TIAM2: variants seen among roughly 807,000 people sequenced by gnomAD.
TIAM2 encodes the protein rho guanine nucleotide exchange factor TIAM2.
Under a neutral mutation model 152.9 loss-of-function variants are expected in TIAM2, and 80 were observed. The observed-to-expected ratio is 0.52, with a 90% CI of 0.44 to 0.63. TIAM2 has a LOEUF of 0.63. Among genes scored for constraint, TIAM2 ranks in the 30% least tolerant of loss-of-function variants. The pLI is 0.00. For synonymous variants in TIAM2, 804 were observed against 838.0 expected, an observed-to-expected ratio of 0.96 and a Z score of 0.70; for missense variants, 1,965 against 2,120.1, an observed-to-expected ratio of 0.93 and a Z score of 1.44.
At chr6:155,039,036 A>T (rs980434989) in intron 1 of TIAM2, among the ~76,000 whole-genome samples, 1 of 142,408 alleles carries the variant, frequency 7.0e-6, no homozygotes, top group Non-Finnish European at 1.5e-5. Context: ...TTTTGGCTCA[A>T]TGCAGCCTCA....
At chr6:155,113,930 T>A (rs1033674189) in intron 2 of TIAM2, among the ~76,000 whole-genome samples, 57 of 148,856 alleles carry the variant, frequency 3.8e-4, no homozygotes, top group African/African-American at 1.4e-3. Context: ...AGCCTGATGA[T>A]GTAGCAGAAG....
chr6:155,256,491 C>A lies in TIAM2; in HGVS notation c.4476C>A (p.Ser1492=), dbSNP rs1160126273. 6.2e-7 allele frequency: 1 copy of A among 1,614,174 alleles called. No homozygotes were observed. ...GTGTTTTTCTCACTGTAGCTTCATC[C>A]AGGTCTTTAAAAGTCCTGAAGAATT... ...RVPVSAKLAS[S]RSLKVLKNSS... The change falls in exon 27 of 27, where the codon TCC becomes TCA. Residue 1492 remains serine, a synonymous_variant. Transcript: ENST00000682666.
intron 1 of TIAM2, among the ~76,000 whole-genome samples, chr6:155,086,656 G>C (rs9384282): frequency 0.25 from 37,416 of 148,258 alleles, 5,006 homozygotes; most frequent in East Asian, 0.43. Flanking sequence ...GCAGTGAGCT[G>C]AGATCGCGCC....
chr6:154,999,099 T>G (rs772486748), intron 1 of TIAM2, among the ~76,000 whole-genome samples: 2 of 152,150 alleles, frequency 1.3e-5, no homozygotes, highest in African/African-American at 2.4e-5. Context: ...ATTTGGCCCA[T>G]GTGTTTGTAT....
intron 1 of TIAM2, among the ~76,000 whole-genome samples, chr6:155,059,871 T>G (rs778947329): frequency 4.6e-5 from 7 of 152,188 alleles, no homozygotes; most frequent in Non-Finnish European, 8.8e-5. Flanking sequence ...CACACTCAAG[T>G]GGAGAGTATT....
intron 1 of TIAM2, among the ~76,000 whole-genome samples, chr6:155,073,679 A>T (rs1562308151): frequency 1.3e-5 from 2 of 152,152 alleles, no homozygotes; most frequent in Non-Finnish European, 2.9e-5. Context: ...GAAAAAAAAA[A>T]GAATTGAAGA....
At position 155,137,552 on chromosome 6, in the gene TIAM2, G is replaced by A; in HGVS notation, c.1570G>A (p.Glu524Lys). ...CAAGCCCCTGGTCACTGTGCAGAAG[G>A]AAAGGAAGCTTGAGCTGGTGGCACG... ...FFKPLVTVQK[E>K]RKLELVARRK... The change falls in exon 5 of 27, where the codon GAA becomes AAA. Residue 524 changes from glutamate to lysine, a missense_variant. By Grantham distance (56) the Glu-to-Lys change is moderately conservative. Transcript: ENST00000682666. 6.2e-7 allele frequency: 1 copy of A among 1,612,792 alleles called. No individual in the cohort carries two copies. Among genetic ancestry groups the A allele is most frequent in the Non-Finnish European group, 8.5e-7 (1 of 1,179,922 alleles).
intron 2 of TIAM2, among the ~76,000 whole-genome samples, chr6:155,126,981 TTG>T: frequency 6.6e-6 from 1 of 152,190 alleles, no homozygotes; most frequent in Non-Finnish European, 1.5e-5. Context: ...GGGGGACCTC[TTG>T]CCCCTGCTAA....
chr6:155,214,911 A>C lies in TIAM2; in HGVS notation c.3168+3604A>C, dbSNP rs1041858681. 6.6e-6 allele frequency among the ~76,000 whole-genome samples: 1 copy of C among 152,112 alleles called. No homozygotes were observed. The highest frequency in any genetic ancestry group is 2.4e-5 in the African/African-American group (1 of 41,404). ...CTGCCCCGGCCTCCTGAAGTACTGG[A>C]ATTACAGGTGTGAGTCACTGTGCCT... On this transcript the variant is annotated intron_variant, in intron 15 of 26. Transcript: ENST00000682666. The surrounding 1 kb of genome is among the most constrained non-coding windows in gnomAD (Gnocchi z 5.4).
chr6:155,100,548 C>G (rs1367645853), intron 2 of TIAM2, among the ~76,000 whole-genome samples: 1 of 152,308 alleles, frequency 6.6e-6, no homozygotes, highest in South Asian at 2.1e-4. Flanking sequence ...TCACTGTCAC[C>G]TCCCATTCAT....
At chr6:155,127,757 G>T (rs1441344340) in intron 3 of TIAM2, among the ~76,000 whole-genome samples, 157 bp downstream of exon 3, 1 of 152,134 alleles carries the variant, frequency 6.6e-6, no homozygotes, top group Non-Finnish European at 1.5e-5. Context: ...TCTGTTTTGT[G>T]GCTACACATT....
chr6:155,004,387 A>T (rs1329725020), intron 1 of TIAM2, among the ~76,000 whole-genome samples: 1 of 151,830 alleles, frequency 6.6e-6, no homozygotes. Flanking sequence ...TTCCAATACC[A>T]TCTTTCTGTT....
Position 155,256,874 on chromosome 6 carries a change from A to G in TIAM2, c.4859A>G (p.Lys1620Arg). ...GGCCCGGAGTCGGGTGAGGGTCAGA[A>G]AGGAGGAGAGCAGCCCAAACTGGTC... ...QPGPESGEGQ[K>R]GGEQPKLVRG... The change falls in exon 27 of 27, where the codon AAA becomes AGA. Residue 1620 changes from lysine (K) to arginine (R), a missense_variant. By Grantham distance (26) the Lys-to-Arg change is conservative. This residue lies in a region of TIAM2 where 935 missense variants were observed against 980.0 expected (regional missense o/e 0.95). Coordinates refer to ENST00000682666, the MANE Select transcript of TIAM2 (RefSeq NM_012454.4). 1.2e-6 allele frequency: 2 copies of G among 1,614,226 alleles called. No individual in the cohort carries two copies. Among genetic ancestry groups the G allele is most frequent in the Non-Finnish European group, 1.7e-6 (2 of 1,180,034 alleles).
At chr6:155,063,713 T>C (rs551067534) in intron 1 of TIAM2, among the ~76,000 whole-genome samples, 1 of 134,444 alleles carries the variant, frequency 7.4e-6, no homozygotes, top group African/African-American at 2.9e-5. Flanking sequence ...ACCCAGGAGG[T>C]GGAGGTTTAA....
intron 2 of TIAM2, among the ~76,000 whole-genome samples, chr6:155,126,978 C>T: frequency 6.6e-6 from 1 of 152,180 alleles, no homozygotes; most frequent in Non-Finnish European, 1.5e-5. Context: ...AGAGGGGGAC[C>T]TCTTGCCCCT....
chr6:154,997,088 G>T (rs1778226804), intron 1 of TIAM2, among the ~76,000 whole-genome samples: 1 of 151,946 alleles, frequency 6.6e-6, no homozygotes, highest in Admixed American at 6.6e-5. Context: ...GCTCTCCCCC[G>T]CTTGCACACT....
chr6:155,070,982 G>A (rs1777825457), intron 1 of TIAM2, among the ~76,000 whole-genome samples: 1 of 152,084 alleles, frequency 6.6e-6, no homozygotes, highest in Non-Finnish European at 1.5e-5. Flanking sequence ...GACCAGCCTG[G>A]GCAACATGGC....
intron 2 of TIAM2, among the ~76,000 whole-genome samples, chr6:155,104,599 T>C (rs1383351368): frequency 6.6e-6 from 1 of 151,644 alleles, no homozygotes; most frequent in Admixed American, 6.6e-5. Context: ...CTACTAAAAA[T>C]ACAAAAAATT....
chr6:155,148,289 G>A lies in TIAM2; in HGVS notation c.1983G>A (p.Leu661=), dbSNP rs759082393. The A allele has an allele frequency of 6.2e-7, 1 of 1,612,300 alleles. No homozygotes were observed. The highest frequency in any genetic ancestry group is 1.1e-5 in the South Asian group (1 of 90,992). ...SKMKKMAELQ[L]SVVSDPKNRK... Reference sequence around the variant, plus strand: ...TGAAGAAGATGGCAGAGCTGCAGCTGTCCGTGGTGAGCGACCCAAAGAACA... The same window carrying A: ...TGAAGAAGATGGCAGAGCTGCAGCTATCCGTGGTGAGCGACCCAAAGAACA... The change falls in exon 7 of 27, where the codon CTG becomes CTA. Residue 661 remains leucine, a synonymous_variant. Coordinates refer to ENST00000682666, the MANE Select transcript of TIAM2 (RefSeq NM_012454.4).
Sources: gnomAD v4.1 joint callset for allele counts (sites outside exome capture counted in the v4.1 genomes callset) on GRCh38, gnomAD v4.1.1 for gene constraint, gnomAD v4.1.1 regional missense constraint, Gnocchi (gnomAD v3.1) non-coding constraint, MANE v1.5 for transcripts, NCBI Gene and HGNC (gene_info 2026-07-23, HGNC 2026-07-21) for gene names.